The following NCR3LG1 variants were observed in gnomAD, a reference collection of about 807,000 sequenced individuals.
The protein encoded by NCR3LG1 is natural killer cell cytotoxicity receptor 3 ligand 1.
Under a neutral mutation model 34.8 loss-of-function variants are expected in NCR3LG1, and 35 were observed. The observed-to-expected ratio is 1.01, with a 90% CI of 0.77 to 1.33. The LOEUF is 1.33. Among genes scored for constraint, NCR3LG1 ranks in the 40% most tolerant of loss-of-function variants. NCR3LG1 has a pLI of 0.00. For synonymous variants in NCR3LG1, 173 were observed against 163.6 expected (o/e 1.06, Z -0.44); for missense variants, 452 against 423.3 (o/e 1.07, Z -0.60).
At chr11:17,371,721 A>G (rs10766391) in intron 4 of NCR3LG1, among the ~76,000 whole-genome samples, 34,586 of 152,190 alleles carry the variant, frequency 0.23, 5,099 homozygotes, top group East Asian at 0.51. Context: ...AATCTCTCCC[A>G]TGGTTCTAGG....
chr11:17,372,801 A>T lies in NCR3LG1; in HGVS notation c.*289A>T, dbSNP rs1953427470. 1 of 354,246 alleles carries T rather than the reference A, an allele frequency of 2.8e-6. No individual in the cohort carries two copies. Among genetic ancestry groups the T allele is most frequent in the South Asian group, 6.6e-5 (1 of 15,134 alleles). The allele number at this position is 354,246 out of a possible 1,614,324, so 21.9% of individuals were successfully genotyped here. A position where few individuals can be genotyped will look rare whatever the true frequency, so the allele number is the denominator to read the frequency against. ...GGAAAGAAGGTGAGAAACAACCAGCATTCACATACCCAATAGGAAGCGAGG... is the reference window on the plus strand; with the variant it reads ...GGAAAGAAGGTGAGAAACAACCAGCTTTCACATACCCAATAGGAAGCGAGG... On this transcript the variant is annotated 3_prime_UTR_variant, in exon 5 of 5. Coordinates refer to ENST00000338965, the MANE Select transcript of NCR3LG1 (RefSeq NM_001202439.3).
In NCR3LG1 at chr11:17,372,470, T is replaced by G; in HGVS notation, c.1323T>G (p.Val441=). 1 of 702,766 alleles carries G rather than the reference T, an allele frequency of 1.4e-6. No homozygotes were observed. The highest frequency in any genetic ancestry group is 2.6e-6 in the Non-Finnish European group (1 of 384,850). The allele number at this position is 702,766 out of a possible 1,614,324, so 43.5% of individuals were successfully genotyped here. A position where few individuals can be genotyped will look rare whatever the true frequency, so the allele number is the denominator to read the frequency against. ...PPPATTSTTP[V]LSSQPPTLLL... is the part of the protein sequence containing the mutation. ...CAGCCACAACATCAACAACTCCAGT[T>G]CTATCCTCCCAACCCCCAACTTTAC... The change falls in exon 5 of 5, where the codon GTT becomes GTG. Residue 441 remains valine, a synonymous_variant. Transcript: ENST00000338965.
intron 2 of NCR3LG1, among the ~76,000 whole-genome samples, chr11:17,365,402 G>T (rs10766390): frequency 0.31 from 46,919 of 152,040 alleles, 7,954 homozygotes; most frequent in East Asian, 0.53. Flanking sequence ...TAAAGTGTTG[G>T]AGGAGAATCT....
intron 1 of NCR3LG1, among the ~76,000 whole-genome samples, chr11:17,353,472 C>G (rs1591676019): frequency 6.6e-6 from 1 of 152,282 alleles, no homozygotes; most frequent in South Asian, 2.1e-4. Context: ...CGCGCTCTAT[C>G]AGTCTGGGTC....
rs145684403 is a variant in NCR3LG1 at position 17,368,824 on chromosome 11, T to G, written c.761-43T>G. 1.2e-3 allele frequency: 1,650 copies of G among 1,334,614 alleles called. 13 individuals are homozygous for G. In the African/African-American group the frequency reaches 0.02, roughly 16 times the overall value. The allele number at this position is 1,334,614 out of a possible 1,614,324, so 82.7% of individuals were successfully genotyped here. Reference sequence around the variant, plus strand: ...GCAGTTGTGTGGTTTCTCTGGCCCTTGCCAGTAGGTTTCCTGCTAATGTTT... The same window carrying G: ...GCAGTTGTGTGGTTTCTCTGGCCCTGGCCAGTAGGTTTCCTGCTAATGTTT... On this transcript the variant is annotated intron_variant, in intron 3 of 4. Transcript: ENST00000338965.
chr11:17,354,975 T>C (rs1484932812), intron 1 of NCR3LG1, among the ~76,000 whole-genome samples: 1 of 152,358 alleles, frequency 6.6e-6, no homozygotes, highest in East Asian at 1.9e-4. Context: ...TCTGCATTGT[T>C]AGTAATGAGT....
At chr11:17,357,208 TCA>T (rs150559824) in intron 2 of NCR3LG1, among the ~76,000 whole-genome samples, 6,595 of 152,300 alleles carry the variant, frequency 0.043, 180 homozygotes, top group Non-Finnish European at 0.065. Context: ...TGTTTATTTT[TCA>T]CACTTTTGGA....
chr11:17,357,176 C>G (rs1953220159), intron 2 of NCR3LG1, among the ~76,000 whole-genome samples, 175 bp downstream of exon 2: 1 of 152,216 alleles, frequency 6.6e-6, no homozygotes, highest in Admixed American at 6.5e-5. Context: ...ATACCATTGA[C>G]TGGATGCCTT....
downstream of NCR3LG1, chr11:17,380,599 C>T (rs1475645264): frequency 6.6e-6 from 1 of 152,204 alleles, no homozygotes; most frequent in Non-Finnish European, 1.5e-5. Context: ...GATACTCCCA[C>T]CTCAGTTTCC....
intron 2 of NCR3LG1, among the ~76,000 whole-genome samples, chr11:17,363,140 C>T (rs1345585416): frequency 6.7e-6 from 1 of 148,504 alleles, no homozygotes; most frequent in Non-Finnish European, 1.5e-5. Flanking sequence ...CCAGACTCGT[C>T]TTGAACTCCC....
intron 2 of NCR3LG1, among the ~76,000 whole-genome samples, chr11:17,362,730 TTCTTTCTTTC>T (rs1252954026): frequency 6.0e-5 from 7 of 116,288 alleles, no homozygotes; most frequent in African/African-American, 2.9e-4. Flanking sequence ...CTTTCTTTCT[TTCTTTCTTTC>T]TTTCTTTCTT....
Position 17,372,324 on chromosome 11 carries a change from A to G in NCR3LG1, c.1177A>G (p.Thr393Ala), listed in dbSNP as rs1395230225. 1 of 703,090 alleles carries G rather than the reference A, an allele frequency of 1.4e-6. No homozygotes were observed. Among genetic ancestry groups the G allele is most frequent in the Admixed American group, 2.0e-5 (1 of 50,012 alleles). 43.6% of individuals were successfully genotyped at this position (703,090 alleles called of 1,614,324 possible). A position where few individuals can be genotyped will look rare whatever the true frequency, so the allele number is the denominator to read the frequency against. Reference protein sequence around the residue: ...CRIDPALLTVTSGKSIDDNST... With the variant: ...CRIDPALLTVASGKSIDDNST... ...AATTGACCCTGCTCTCCTAACAGTTACATCAGGCAAGTCCATAGATGATAA... is the reference window on the plus strand; with the variant it reads ...AATTGACCCTGCTCTCCTAACAGTTGCATCAGGCAAGTCCATAGATGATAA... The change falls in exon 5 of 5, where the codon ACA (threonine) becomes GCA (alanine). Residue 393 changes from threonine to alanine, a missense_variant. Coordinates refer to ENST00000338965, the MANE Select transcript of NCR3LG1 (RefSeq NM_001202439.3).
chr11:17,358,032 T>C (rs1404695262), intron 2 of NCR3LG1, among the ~76,000 whole-genome samples: 6 of 152,106 alleles, frequency 3.9e-5, no homozygotes, highest in African/African-American at 1.4e-4. Context: ...ATTAATAGAC[T>C]TTTTTTAAGG....
intron 2 of NCR3LG1, among the ~76,000 whole-genome samples, chr11:17,364,912 T>C (rs1789118609): frequency 6.6e-6 from 1 of 152,244 alleles, no homozygotes; most frequent in Non-Finnish European, 1.5e-5. Flanking sequence ...AATGGTGTTT[T>C]GAGCTCTAGC....
At chr11:17,353,607 C>T (rs1005520073) in intron 1 of NCR3LG1, among the ~76,000 whole-genome samples, 3 of 152,254 alleles carry the variant, frequency 2.0e-5, no homozygotes, top group Admixed American at 6.5e-5. Flanking sequence ...CACTTTCGTC[C>T]GGTCTCGGTC....
intron 2 of NCR3LG1, among the ~76,000 whole-genome samples, chr11:17,361,179 G>GT: frequency 6.6e-6 from 1 of 152,130 alleles, no homozygotes; most frequent in East Asian, 1.9e-4. Flanking sequence ...AGCTATCTGG[G>GT]TTTTTTCTTT....
intron 2 of NCR3LG1, among the ~76,000 whole-genome samples, chr11:17,365,572 A>G (rs1420898055): frequency 6.6e-6 from 1 of 152,212 alleles, no homozygotes; most frequent in Non-Finnish European, 1.5e-5. Context: ...CTCAGGTCAG[A>G]TAAGGCTCTG....
At chr11:17,355,075 G>A (rs770162254) in intron 1 of NCR3LG1, among the ~76,000 whole-genome samples, 13 of 152,114 alleles carry the variant, frequency 8.5e-5, no homozygotes, top group African/African-American at 1.4e-4. Flanking sequence ...AGGTATAAGC[G>A]TAAACTTGCT....
At chr11:17,362,258 GATGACTTAC>G (rs372758452) in intron 2 of NCR3LG1, among the ~76,000 whole-genome samples, 313 of 152,246 alleles carry the variant, frequency 2.1e-3, no homozygotes, top group African/African-American at 7.2e-3. Context: ...CTGTTGATAT[GATGACTTAC>G]ATTAACCAAT....
Sources: gnomAD v4.1 joint callset for allele counts (sites outside exome capture counted in the v4.1 genomes callset) on GRCh38, gnomAD v4.1.1 for gene constraint, MANE v1.5 for transcripts, NCBI Gene and HGNC (gene_info 2026-07-23, HGNC 2026-07-21) for gene names.